TRAM1L1: variants seen among roughly 807,000 people sequenced by gnomAD.
The protein encoded by TRAM1L1 is translocating chain-associated membrane protein 1-like 1.
For synonymous variants in TRAM1L1, 189 were observed against 163.6 expected (o/e 1.16, Z -1.18); for missense variants, 451 against 439.9 (o/e 1.03, Z -0.23).
Position 117,084,789 on chromosome 4 carries a change from A to G in TRAM1L1, c.605T>C (p.Leu202Pro), listed in dbSNP as rs1390368844. The change falls in exon 1 of 1, where the codon CTT becomes CCT. Residue 202 changes from leucine (L) to proline (P), a missense_variant. Leu to Pro is a moderately conservative substitution (Grantham distance 98, BLOSUM62 -3). Coordinates refer to ENST00000310754, the MANE Select transcript of TRAM1L1 (RefSeq NM_152402.3). ...AGCTCCAGTAATGTGGAAGAGGTGA[A>G]GACCAATGTAGACAAGTTGACGAGG... ...DIPRQLVYIG[L>P]HLFHITGAYL... 1.9e-6 allele frequency: 3 copies of G among 1,614,242 alleles called. No individual in the cohort carries two copies. The highest frequency in any genetic ancestry group is 2.5e-6 in the Non-Finnish European group (3 of 1,180,038).
In TRAM1L1 at chr4:117,084,671, A is replaced by G. The variant is rs200676581; in HGVS notation, c.723T>C (p.Phe241=). 2.1e-4 allele frequency: 342 copies of G among 1,614,182 alleles called. 7 individuals are homozygous for G. The South Asian group carries it at 3.5e-3, about 17-fold the overall frequency. The part of the protein sequence containing the change: ...LLSHMCGLFY[F]SDEKYQKGIS... ...TGCCTTTCTGGTACTTTTCATCACT[A>G]AAGTAAAACAGGCCGCACATGTGGG... The change falls in exon 1 of 1, where the codon TTT becomes TTC. Residue 241 remains phenylalanine (F), a synonymous_variant. Coordinates refer to ENST00000310754, the MANE Select transcript of TRAM1L1 (RefSeq NM_152402.3).
chr4:117,084,593 A>C lies in TRAM1L1; in HGVS notation c.801T>G (p.Val267=), dbSNP rs759517217. Residue 267 remains valine (V), a synonymous_variant, in exon 1 of 1, where the codon GTT becomes GTG. Transcript: ENST00000310754. ...GGTGAAACCCAACAGTGAGTACGGA[A>C]ACAATTAAAGTCACAAGTCTACCCA... ...FILGRLVTLI[V]SVLTVGFHLA... 1 of 1,614,228 alleles carries C rather than the reference A, an allele frequency of 6.2e-7. No individual in the cohort carries two copies. Among genetic ancestry groups the C allele is most frequent in the Middle Eastern group, 1.6e-4 (1 of 6,062 alleles).
Position 117,085,151 on chromosome 4 carries a change from G to A in TRAM1L1, c.243C>T (p.Ala81=), listed in dbSNP as rs17049006. 77,584 of 1,613,958 alleles carry A rather than the reference G, an allele frequency of 0.048. 3,449 individuals carry two copies. The highest frequency in any genetic ancestry group is 0.22 in the Admixed American group (13,344 of 59,970). The change falls in exon 1 of 1, where the codon GCC becomes GCT. Residue 81 remains alanine, a synonymous_variant. Transcript: ENST00000310754. ...SLYYYGVKDL[A]TVFFYMLVAI... ...CCACCAGCATGTAGAAGAAAACCGT[G>A]GCCAAATCTTTGACACCATAATAAT... is the stretch of plus-strand genomic sequence containing the variant.
Position 117,084,955 on chromosome 4 carries a change from A to G in TRAM1L1, c.439T>C (p.Ser147Pro), listed in dbSNP as rs1732422449. Reference sequence around the variant, plus strand: ...GCCTTCCATATAAGAGTTGGGTCTGACAGGCAGTTTTCAGAGATTAAAATG... The same window carrying G: ...GCCTTCCATATAAGAGTTGGGTCTGGCAGGCAGTTTTCAGAGATTAAAATG... ...TFILISENCL[S>P]DPTLIWKARP... The change falls in exon 1 of 1, where the codon TCA becomes CCA. Residue 147 changes from serine to proline, a missense_variant. Coordinates refer to ENST00000310754, the MANE Select transcript of TRAM1L1 (RefSeq NM_152402.3). 1 of 1,614,052 alleles carries G rather than the reference A, an allele frequency of 6.2e-7. No individual in the cohort carries two copies. The highest frequency in any genetic ancestry group is 1.1e-5 in the South Asian group (1 of 91,090).
In TRAM1L1 at chr4:117,084,998, A is replaced by T; in HGVS notation, c.396T>A (p.Ser132=). Residue 132 remains serine, a synonymous_variant, in exon 1 of 1, where the codon TCT becomes TCA. Coordinates refer to ENST00000310754, the MANE Select transcript of TRAM1L1 (RefSeq NM_152402.3). Reference sequence around the variant, plus strand: ...TTAAAATGAATGTGCCCCAAATACAAGAAAAAAAGTAGAACACACTAAACT... The same window carrying T: ...TTAAAATGAATGTGCCCCAAATACATGAAAAAAAGTAGAACACACTAAACT... The part of the protein sequence containing the change: ...SGQFSVFYFF[S]CIWGTFILIS... 1 of 1,614,054 alleles carries T rather than the reference A, an allele frequency of 6.2e-7. No homozygotes were observed. Among genetic ancestry groups the T allele is most frequent in the South Asian group, 1.1e-5 (1 of 91,056 alleles).
rs918956641 is a variant in TRAM1L1 at position 117,085,533 on chromosome 4, GA to G, written c.-141del. ...AGTCCCGGGTCGCAGCGGCCGCCCA[GA>G]AAAAAAATAAATCAAAGGCGAGGGC... On this transcript the variant is annotated 5_prime_UTR_variant, in exon 1 of 1. An upstream open reading frame in the 5' UTR loses its in-frame stop. Coordinates refer to ENST00000310754, the MANE Select transcript of TRAM1L1 (RefSeq NM_152402.3). The G allele has an allele frequency of 2.5e-5, 30 of 1,186,730 alleles. No homozygotes were observed. Among genetic ancestry groups the G allele is most frequent in the African/African-American group, 3.1e-5 (2 of 64,564 alleles). 73.5% of individuals were successfully genotyped at this position (1,186,730 alleles called of 1,614,324 possible).
At position 117,085,338 on chromosome 4, in the gene TRAM1L1, A is replaced by G. The variant is rs1417933246; in HGVS notation, c.56T>C (p.Ile19Thr). The stretch of plus-strand genomic sequence containing the variant: ...GACGATGTCCGCATGATTCTGCAGG[A>G]TGAATTCCTGGCTGAGAACGGGGGG... ...KNPPVLSQEFILQNHADIVSC... is the reference protein window; with the variant it reads ...KNPPVLSQEFTLQNHADIVSC... Residue 19 changes from isoleucine (I) to threonine (T), a missense_variant, in exon 1 of 1, where the codon ATC (isoleucine) becomes ACC (threonine). Physicochemically the swap from Ile to Thr is moderately conservative, Grantham distance 89. Transcript: ENST00000310754. 1.2e-6 allele frequency: 2 copies of G among 1,614,042 alleles called. No homozygotes were observed. Among genetic ancestry groups the G allele is most frequent in the South Asian group, 2.2e-5 (2 of 91,086 alleles).
In TRAM1L1 at chr4:117,085,272, T is replaced by C. The variant is rs749192683; in HGVS notation, c.122A>G (p.Glu41Gly). Residue 41 changes from glutamate (E) to glycine (G), a missense_variant, in exon 1 of 1, where the codon GAG (glutamate) becomes GGG (glycine). Glu to Gly is a moderately conservative substitution (Grantham distance 98, BLOSUM62 -2). Coordinates refer to ENST00000310754, the MANE Select transcript of TRAM1L1 (RefSeq NM_152402.3). Reference protein sequence around the residue: ...GMFFLLGLVFEGTAEASIVFL... With the variant: ...GMFFLLGLVFGGTAEASIVFL... ...CACGATGGATGCTTCTGCTGTTCCCTCGAACACAAGCCCCAGCAGGAAGAA... is the reference window on the plus strand; with the variant it reads ...CACGATGGATGCTTCTGCTGTTCCCCCGAACACAAGCCCCAGCAGGAAGAA... The C allele has an allele frequency of 3.7e-6, 6 of 1,614,102 alleles. No homozygotes were observed. The East Asian group carries it at 1.3e-4, about 36-fold the overall frequency.
At position 117,084,320 on chromosome 4, in the gene TRAM1L1, T is replaced by C; in HGVS notation, c.1074A>G (p.Val358=). Residue 358 remains valine (V), a synonymous_variant, in exon 1 of 1, where the codon GTA becomes GTG. Transcript: ENST00000310754. ...NGVGVETSNR[V]DCPPKRKEKS... is the part of the protein sequence containing the mutation. ...TCTCTTTCCTCTTTGGCGGACAGTC[T>C]ACTCTATTTGAAGTTTCCACTCCCA... 6.2e-7 allele frequency: 1 copy of C among 1,613,756 alleles called. No homozygotes were observed. Among genetic ancestry groups the C allele is most frequent in the Non-Finnish European group, 8.5e-7 (1 of 1,179,902 alleles).
At position 117,083,864 on chromosome 4, in the gene TRAM1L1, T is replaced by C. The variant is rs1298227976; in HGVS notation, c.*420A>G. ...TTGACTTCCACCTTTTTCGTACTTT[T>C]ATTTTACCCCAAAGCAAGCATTAAA... is the stretch of plus-strand genomic sequence containing the variant. On this transcript the variant is annotated 3_prime_UTR_variant, in exon 1 of 1. Coordinates refer to ENST00000310754, the MANE Select transcript of TRAM1L1 (RefSeq NM_152402.3). The C allele has an allele frequency of 6.4e-6, 1 of 155,994 alleles. No individual in the cohort carries two copies. The highest frequency in any genetic ancestry group is 1.9e-4 in the East Asian group (1 of 5,290). 9.7% of individuals were successfully genotyped at this position (155,994 alleles called of 1,614,324 possible).
chr4:117,084,284 T>C lies in TRAM1L1; in HGVS notation c.1110A>G (p.Ter370=), dbSNP rs778712958. The C allele has an allele frequency of 1.9e-6, 3 of 1,602,460 alleles. No homozygotes were observed. The highest frequency in any genetic ancestry group is 2.2e-5 in the East Asian group (1 of 44,814). Residue 370 remains the stop codon, a stop_retained_variant, in exon 1 of 1, where the codon TAA becomes TAG. Coordinates refer to ENST00000310754, the MANE Select transcript of TRAM1L1 (RefSeq NM_152402.3). ...CPPKRKEKSS[*] The stretch of plus-strand genomic sequence containing the variant: ...ACATTAATCAATGCGCTTGCAAAGA[T>C]TATGAAGATTTCTCTTTCCTCTTTG...
Position 117,085,007 on chromosome 4 carries a change from G to A in TRAM1L1, c.387C>T (p.Tyr129=), listed in dbSNP as rs1290318761. Residue 129 remains tyrosine, a synonymous_variant, in exon 1 of 1, where the codon TAC becomes TAT. Coordinates refer to ENST00000310754, the MANE Select transcript of TRAM1L1 (RefSeq NM_152402.3). ...FNESGQFSVF[Y]FFSCIWGTFI... ...ATGTGCCCCAAATACAAGAAAAAAA[G>A]TAGAACACACTAAACTGACCAGACT... 6.2e-7 allele frequency: 1 copy of A among 1,614,010 alleles called. No homozygotes were observed. The highest frequency in any genetic ancestry group is 1.7e-5 in the Admixed American group (1 of 59,994).
rs761224021 is a variant in TRAM1L1, at chr4:117,085,211, T to G, written c.183A>C (p.Ala61=). Residue 61 remains alanine (A), a synonymous_variant, in exon 1 of 1, where the codon GCA becomes GCC. Coordinates refer to ENST00000310754, the MANE Select transcript of TRAM1L1 (RefSeq NM_152402.3). ...LTLQHSVAVP[A]AEEQATGSKS... ...TTGAGCCCGTGGCTTGTTCCTCTGC[T>G]GCAGGGACAGCAACACTGTGCTGAA... is the stretch of plus-strand genomic sequence containing the variant. 1.2e-6 allele frequency: 2 copies of G among 1,614,166 alleles called. No homozygotes were observed. Among genetic ancestry groups the G allele is most frequent in the Admixed American group, 3.3e-5 (2 of 60,018 alleles).
Position 117,084,370 on chromosome 4 carries a change from A to G in TRAM1L1, c.1024T>C (p.Ser342Pro), listed in dbSNP as rs1732408540. ...ACTCCGTTTTCTGTTCTTTTTTTAGAAGATCTCGACCGTTTCTTTTTCATA... is the reference window on the plus strand; with the variant it reads ...ACTCCGTTTTCTGTTCTTTTTTTAGGAGATCTCGACCGTTTCTTTTTCATA... The part of the protein sequence containing the change: ...SCMKKKRSRS[S>P]KKRTENGVGV... The change falls in exon 1 of 1, where the codon TCT becomes CCT. Residue 342 changes from serine to proline, a missense_variant. Transcript: ENST00000310754. 23 of 1,614,172 alleles carry G rather than the reference A, an allele frequency of 1.4e-5. No homozygotes were observed. The highest frequency in any genetic ancestry group is 1.9e-5 in the Non-Finnish European group (22 of 1,180,036).
In TRAM1L1 at chr4:117,084,823, G is replaced by GT. The variant is rs761485412; in HGVS notation, c.570dup (p.Gln191ThrfsTer40). The stretch of plus-strand genomic sequence containing the variant: ...TAGACAAGTTGACGAGGGATGTCTT[G>GT]TTTTTTGGTTTTCTGGAAGTAGAGT... On this transcript the variant is annotated frameshift_variant, in exon 1 of 1. Transcript: ENST00000310754. LOFTEE classifies it low-confidence loss of function (END_TRUNC). 1.2e-6 allele frequency: 2 copies of GT among 1,614,110 alleles called. No individual in the cohort carries two copies. Among genetic ancestry groups the GT allele is most frequent in the African/African-American group, 1.3e-5 (1 of 75,026 alleles).
Position 117,084,956 on chromosome 4 carries a change from C to T in TRAM1L1, c.438G>A (p.Leu146=), listed in dbSNP as rs1423441050. 6.2e-7 allele frequency: 1 copy of T among 1,614,056 alleles called. No individual in the cohort carries two copies. The highest frequency in any genetic ancestry group is 1.3e-5 in the African/African-American group (1 of 74,986). The change falls in exon 1 of 1, where the codon CTG becomes CTA. Residue 146 remains leucine, a synonymous_variant. Coordinates refer to ENST00000310754, the MANE Select transcript of TRAM1L1 (RefSeq NM_152402.3). ...GTFILISENC[L]SDPTLIWKAR... is the part of the protein sequence containing the mutation. ...CCTTCCATATAAGAGTTGGGTCTGA[C>T]AGGCAGTTTTCAGAGATTAAAATGA...
At position 117,085,077 on chromosome 4, in the gene TRAM1L1, T is replaced by C. The variant is rs763284641; in HGVS notation, c.317A>G (p.Asn106Ser). ...CGCTTTGGTGAACTGCATTCTCTTG[T>C]TAATTTTATCCAACACATATTCCTG... ...TIQEYVLDKINKRMQFTKAKQ... is the reference protein window; with the variant it reads ...TIQEYVLDKISKRMQFTKAKQ... The change falls in exon 1 of 1, where the codon AAC (asparagine) becomes AGC (serine). Residue 106 changes from asparagine to serine, a missense_variant. Physicochemically the swap from Asn to Ser is conservative, Grantham distance 46 (BLOSUM62 1). Coordinates refer to ENST00000310754, the MANE Select transcript of TRAM1L1 (RefSeq NM_152402.3). The C allele has an allele frequency of 1.2e-6, 2 of 1,614,116 alleles. No individual in the cohort carries two copies. Among genetic ancestry groups the C allele is most frequent in the Non-Finnish European group, 8.5e-7 (1 of 1,180,030 alleles).
Position 117,084,577 on chromosome 4 carries a change from C to T in TRAM1L1, c.817G>A (p.Gly273Arg). Residue 273 changes from glycine to arginine, a missense_variant, in exon 1 of 1, where the codon GGG becomes AGG. By Grantham distance (125) the Gly-to-Arg change is moderately radical. Transcript: ENST00000310754. Reference sequence around the variant, plus strand: ...TTCTGCGATCCAGCCAGGTGAAACCCAACAGTGAGTACGGAAACAATTAAA... The same window carrying T: ...TTCTGCGATCCAGCCAGGTGAAACCTAACAGTGAGTACGGAAACAATTAAA... Reference protein sequence around the residue: ...VTLIVSVLTVGFHLAGSQNRN... With the variant: ...VTLIVSVLTVRFHLAGSQNRN... 2 of 1,614,090 alleles carry T rather than the reference C, an allele frequency of 1.2e-6. No homozygotes were observed. Among genetic ancestry groups the T allele is most frequent in the Non-Finnish European group, 1.7e-6 (2 of 1,180,040 alleles).
At position 117,083,850 on chromosome 4, in the gene TRAM1L1, C is replaced by T. The variant is rs972050515; in HGVS notation, c.*434G>A. 2 of 154,556 alleles carry T rather than the reference C, an allele frequency of 1.3e-5. No homozygotes were observed. The highest frequency in any genetic ancestry group is 4.8e-5 in the African/African-American group (2 of 41,474). The allele number at this position is 154,556 out of a possible 1,614,324, so 9.6% of individuals were successfully genotyped here. A position where few individuals can be genotyped will look rare whatever the true frequency, so the allele number is the denominator to read the frequency against. ...TACAGAATACTGATTTGACTTCCACCTTTTTCGTACTTTTATTTTACCCCA... is the reference window on the plus strand; with the variant it reads ...TACAGAATACTGATTTGACTTCCACTTTTTTCGTACTTTTATTTTACCCCA... On this transcript the variant is annotated 3_prime_UTR_variant, in exon 1 of 1. Transcript: ENST00000310754.
Sources: allele counts gnomAD v4.1 joint callset, GRCh38; gene constraint gnomAD v4.1.1; transcripts MANE v1.5; gene names NCBI Gene and HGNC (gene_info 2026-07-23, HGNC 2026-07-21).